Variants in LARS2 observed in about 807,000 individuals in gnomAD.
LARS2 encodes leucyl-tRNA synthetase 2, mitochondrial.
LARS2 carries 81 observed loss-of-function variants against 116.6 expected under a neutral mutation model. The observed-to-expected ratio is 0.69, with a 90% CI of 0.58 to 0.84. LARS2 has a LOEUF of 0.84. Ranked by LOEUF, LARS2 falls within the 40% of genes least tolerant of loss-of-function variation. The pLI is 0.00. For synonymous variants in LARS2, 396 were observed against 407.2 expected (o/e 0.97, Z 0.33); for missense variants, 968 against 1,114.5 (o/e 0.87, Z 1.87).
In LARS2 at chr3:45,491,650, C is replaced by T. The variant is rs2125732706; in HGVS notation, c.1373C>T (p.Pro458Leu). Residue 458 changes from proline (P) to leucine (L), a missense_variant, in exon 13 of 22, where the codon CCA becomes CTA. By Grantham distance (98) the Pro-to-Leu change is moderately conservative. Transcript: ENST00000645846. ...TCACGGCAGCGGTACTGGGGCACACCAATCCCCATTGTCCACTGCCCAGTC... is the reference window on the plus strand; with the variant it reads ...TCACGGCAGCGGTACTGGGGCACACTAATCCCCATTGTCCACTGCCCAGTC... Reference protein sequence around the residue: ...LISRQRYWGTPIPIVHCPVCG... With the variant: ...LISRQRYWGTLIPIVHCPVCG... 1 of 1,614,170 alleles carries T rather than the reference C, an allele frequency of 6.2e-7. No homozygotes were observed. The highest frequency in any genetic ancestry group is 8.5e-7 in the Non-Finnish European group (1 of 1,180,032).
intron 1 of LARS2, 101 bp from the exon 2 acceptor site, chr3:45,391,482 T>C (rs1397282676): frequency 7.8e-6 from 1 of 128,298 alleles, no homozygotes; most frequent in Non-Finnish European, 1.7e-5. Context: ...ACACTCTGAC[T>C]CAAAAAAAAA....
rs773078389 is a variant in LARS2, at chr3:45,417,530, G to A, written c.412G>A (p.Ala138Thr). 2 of 1,613,874 alleles carry A rather than the reference G, an allele frequency of 1.2e-6. No homozygotes were observed. The highest frequency in any genetic ancestry group is 1.7e-5 in the Admixed American group (1 of 60,006). The stretch of plus-strand genomic sequence containing the variant: ...TGCTTTTGGATTGCCTGCTGAAAAT[G>A]CCGCAGTCGAGAGGAATCTACATCC... Reference protein sequence around the residue: ...WDAFGLPAENAAVERNLHPQS... With the variant: ...WDAFGLPAENTAVERNLHPQS... The change falls in exon 5 of 22, where the codon GCC becomes ACC. Residue 138 changes from alanine (A) to threonine (T), a missense_variant. Physicochemically the swap from Ala to Thr is moderately conservative, Grantham distance 58. Transcript: ENST00000645846.
intron 10 of LARS2, among the ~76,000 whole-genome samples, chr3:45,477,980 A>G (rs1421558964): frequency 1.3e-5 from 2 of 152,232 alleles, no homozygotes; most frequent in Non-Finnish European, 2.9e-5. Flanking sequence ...TGGGGCATAG[A>G]TGAGCCATTC....
Position 45,547,507 on chromosome 3 carries a change from A to C in LARS2, c.2689A>C (p.Ile897Leu). The C allele has an allele frequency of 6.2e-7, 1 of 1,606,626 alleles. No individual in the cohort carries two copies. The highest frequency in any genetic ancestry group is 8.5e-7 in the Non-Finnish European group (1 of 1,177,558). The change falls in exon 22 of 22, where the codon ATC (isoleucine) becomes CTC (leucine). Residue 897 changes from isoleucine (I) to leucine (L), a missense_variant. Ile to Leu is a conservative substitution (Grantham distance 5). Coordinates refer to ENST00000645846, the MANE Select transcript of LARS2 (RefSeq NM_015340.4). ...CTTCCTTTCCCCGAGAACTGCCCTCATCAACTTCCTGGTGCAAGATTGACA... is the reference window on the plus strand; with the variant it reads ...CTTCCTTTCCCCGAGAACTGCCCTCCTCAACTTCCTGGTGCAAGATTGACA... The part of the protein sequence containing the change: ...KSFLSPRTAL[I>L]NFLVQD
chr3:45,501,531 C>A (rs1213612842), intron 15 of LARS2, among the ~76,000 whole-genome samples: 4 of 152,072 alleles, frequency 2.6e-5, no homozygotes, highest in Non-Finnish European at 5.9e-5. Context: ...GCGTGATATT[C>A]CATTATATGG....
intron 3 of LARS2, among the ~76,000 whole-genome samples, chr3:45,396,393 T>G (rs144120465): frequency 1.7e-3 from 253 of 152,378 alleles, no homozygotes; most frequent in African/African-American, 5.9e-3. Flanking sequence ...CTCACAGAAT[T>G]GTTTTGAAAA....
intron 6 of LARS2, among the ~76,000 whole-genome samples, chr3:45,429,397 G>C (rs1294715469): frequency 6.6e-6 from 1 of 152,128 alleles, no homozygotes; most frequent in African/African-American, 2.4e-5. Context: ...CTGGTCATCA[G>C]CCAGGGATTG....
At chr3:45,455,820 C>T (rs190941571) in intron 7 of LARS2, among the ~76,000 whole-genome samples, 6 of 152,154 alleles carry the variant, frequency 3.9e-5, no homozygotes, top group Non-Finnish European at 8.8e-5. Context: ...CTTCAAAAAA[C>T]AATAAAATTC....
intron 6 of LARS2, among the ~76,000 whole-genome samples, chr3:45,437,844 G>A (rs1192986095): frequency 3.7e-5 from 4 of 108,466 alleles, no homozygotes; most frequent in Admixed American, 1.1e-4. Context: ...CATCGGTGGG[G>A]AGAAAAAGAC....
chr3:45,539,135 T>A (rs948706504), intron 20 of LARS2, among the ~76,000 whole-genome samples: 6 of 152,182 alleles, frequency 3.9e-5, no homozygotes, highest in African/African-American at 9.7e-5. Context: ...TATTTTTTTT[T>A]AAATAATGTT....
At chr3:45,542,022 T>C in intron 21 of LARS2, 66 bp downstream of exon 21, 1 of 1,589,764 alleles carries the variant, frequency 6.3e-7, no homozygotes, top group Non-Finnish European at 8.6e-7. Flanking sequence ...CTAAATACTG[T>C]GGTGGTTTTG....
rs1302394927 is a variant in LARS2, at chr3:45,498,643, GAAC to G, written c.1623-1798_1623-1796del. The stretch of plus-strand genomic sequence containing the variant: ...GAAAAAGGTGGCTTGAGGTGTCAGG[GAAC>G]CAATTCACAAATATTCGAAGTCCTC... On this transcript the variant is annotated intron_variant, in intron 14 of 21. Coordinates refer to ENST00000645846, the MANE Select transcript of LARS2 (RefSeq NM_015340.4). 3.3e-5 allele frequency among the ~76,000 whole-genome samples: 5 copies of G among 152,240 alleles called. No homozygotes were observed. In the South Asian group the frequency reaches 1.0e-3, roughly 32 times the overall value.
At chr3:45,534,094 G>T (rs1269829434) in intron 20 of LARS2, among the ~76,000 whole-genome samples, 1 of 152,182 alleles carries the variant, frequency 6.6e-6, no homozygotes. Flanking sequence ...CCTCCCTGAA[G>T]TTTTACAGAT....
rs1700897338 is a variant in LARS2 at position 45,547,776 on chromosome 3, A to AC, written c.*252dup. 2 of 406,558 alleles carry AC rather than the reference A, an allele frequency of 4.9e-6. No individual in the cohort carries two copies. The highest frequency in any genetic ancestry group is 8.8e-6 in the Non-Finnish European group (2 of 227,746). The allele number at this position is 406,558 out of a possible 1,614,324, so 25.2% of individuals were successfully genotyped here. On this transcript the variant is annotated 3_prime_UTR_variant, in exon 22 of 22. Coordinates refer to ENST00000645846, the MANE Select transcript of LARS2 (RefSeq NM_015340.4). ...GAGGGGGTTGGACATCCTGCCCCTC[A>AC]CCCCCCACCCACACTGCAGGTAGAG...
At chr3:45,512,550 A>T (rs1700306365) in intron 15 of LARS2, among the ~76,000 whole-genome samples, 1 of 152,256 alleles carries the variant, frequency 6.6e-6, no homozygotes, top group South Asian at 2.1e-4. Context: ...GTAACTTTTT[A>T]AAAAGTGAGA....
At chr3:45,444,025 G>A (rs983409627) in intron 6 of LARS2, among the ~76,000 whole-genome samples, 3 of 140,122 alleles carry the variant, frequency 2.1e-5, no homozygotes, top group African/African-American at 7.7e-5. Context: ...TTTTTTCTGA[G>A]ACAGAGTCTT....
chr3:45,476,647 G>A lies in LARS2; in HGVS notation c.1018+20G>A. ...GCAAAGGTGAGCTGGCAAGTTAACGGCTCAGGTGGTAGGATTGCTACCTTA... is the reference window on the plus strand; with the variant it reads ...GCAAAGGTGAGCTGGCAAGTTAACGACTCAGGTGGTAGGATTGCTACCTTA... On this transcript the variant is annotated intron_variant, in intron 10 of 21. Coordinates refer to ENST00000645846, the MANE Select transcript of LARS2 (RefSeq NM_015340.4). The A allele has an allele frequency of 6.2e-7, 1 of 1,613,362 alleles. No individual in the cohort carries two copies. Among genetic ancestry groups the A allele is most frequent in the East Asian group, 2.2e-5 (1 of 44,864 alleles).
intron 6 of LARS2, among the ~76,000 whole-genome samples, chr3:45,431,900 T>C (rs1034499835): frequency 2.0e-5 from 3 of 152,168 alleles, no homozygotes; most frequent in African/African-American, 7.2e-5. Context: ...GCATGATCCA[T>C]CTATATGCTG....
chr3:45,392,537 C>T (rs952537843), intron 2 of LARS2, among the ~76,000 whole-genome samples: 8 of 152,038 alleles, frequency 5.3e-5, no homozygotes, highest in South Asian at 2.1e-4. Context: ...TCAGGTGATC[C>T]GCCTGCCTCA....
Sources: gnomAD v4.1 joint callset for allele counts (sites outside exome capture counted in the v4.1 genomes callset) on GRCh38, gnomAD v4.1.1 for gene constraint, MANE v1.5 for transcripts, NCBI Gene and HGNC (gene_info 2026-07-23, HGNC 2026-07-21) for gene names.